Variants in ZNF623 observed in about 807,000 individuals in gnomAD.
The protein encoded by ZNF623 is zinc finger protein 623.
In ZNF623, 16 loss-of-function variants were observed where a neutral mutation model predicts 24.0. That is an observed-to-expected ratio of 0.67 (90% CI 0.45 to 1.01). The LOEUF is 1.01. Ranked by LOEUF, ZNF623 falls within the 50% of genes least tolerant of loss-of-function variation. ZNF623 has a pLI of 0.00. For synonymous variants in ZNF623, 224 were observed against 219.8 expected, an observed-to-expected ratio of 1.02 and a Z score of -0.17; for missense variants, 566 against 606.5, an observed-to-expected ratio of 0.93 and a Z score of 0.70.
In ZNF623 at chr8:143,653,261, AT is replaced by A. The variant is rs1815380834; in HGVS notation, c.*1779del. The A allele has an allele frequency of 6.0e-6, 1 of 167,044 alleles. No individual in the cohort carries two copies. The highest frequency in any genetic ancestry group is 6.5e-5 in the Admixed American group (1 of 15,274). 10.3% of individuals were successfully genotyped at this position (167,044 alleles called of 1,614,324 possible). On this transcript the variant is annotated 3_prime_UTR_variant, in exon 2 of 2. Transcript: ENST00000526926. ...AACCCCAAAGTCCAGTTTTGTAACGATATAATTTTTTTCTCATGAGGCCATA... is the reference window on the plus strand; with the variant it reads ...AACCCCAAAGTCCAGTTTTGTAACGAATAATTTTTTTCTCATGAGGCCATA...
intron 1 of ZNF623, among the ~76,000 whole-genome samples, chr8:143,644,563 C>T (rs1025999342): frequency 3.3e-5 from 5 of 152,050 alleles, no homozygotes; most frequent in African/African-American, 1.2e-4. Context: ...ATTAATGGGT[C>T]CTCAGTGCAT....
Position 143,651,068 on chromosome 8 carries a change from G to T in ZNF623, c.1076G>T (p.Gly359Val), listed in dbSNP as rs764516415. ...YLIRHQKIHT[G>V]ERVYECKECG... is the part of the protein sequence containing the mutation. ...ATTCGACACCAGAAAATCCACACTG[G>T]AGAGAGAGTGTATGAATGTAAGGAA... Residue 359 changes from glycine to valine, a missense_variant, in exon 2 of 2, where the codon GGA becomes GTA. Gly to Val is a moderately radical substitution (Grantham distance 109). Around this residue, in one of 3 missense-constraint regions of ZNF623, gnomAD observed 117 missense variants for 174.2 expected, o/e 0.67. Coordinates refer to ENST00000526926, the MANE Select transcript of ZNF623 (RefSeq NM_001261843.2). The T allele has an allele frequency of 2.5e-6, 4 of 1,614,160 alleles. No homozygotes were observed. In the Admixed American group the frequency reaches 6.7e-5, roughly 27 times the overall value.
At chr8:143,647,147 GTTTT>G (rs200303336) in intron 1 of ZNF623, among the ~76,000 whole-genome samples, 25 of 133,936 alleles carry the variant, frequency 1.9e-4, no homozygotes, top group African/African-American at 5.8e-4. Flanking sequence ...GTGCCTTGCT[GTTTT>G]TTTTTTTTTT....
Position 143,650,742 on chromosome 8 carries a change from G to T in ZNF623, c.750G>T (p.Gln250His), listed in dbSNP as rs541001970. The change falls in exon 2 of 2, where the codon CAG (glutamine) becomes CAT (histidine). Residue 250 changes from glutamine to histidine, a missense_variant. Around this residue, in one of 3 missense-constraint regions of ZNF623, gnomAD observed 117 missense variants for 174.2 expected, o/e 0.67. Coordinates refer to ENST00000526926, the MANE Select transcript of ZNF623 (RefSeq NM_001261843.2). This position sits in a 1 kb window ranked among gnomAD's most constrained non-coding sequence, Gnocchi z 5.2. ...ATCAGATCCACACAGAAGTGAAACA[G>T]TATGAATGCAAAGAATGTGGGAAGG... The part of the protein sequence containing the change: ...RHYQIHTEVK[Q>H]YECKECGKAF... The T allele has an allele frequency of 6.2e-7, 1 of 1,614,008 alleles. No individual in the cohort carries two copies. The highest frequency in any genetic ancestry group is 8.5e-7 in the Non-Finnish European group (1 of 1,180,022).
chr8:143,645,649 G>T (rs574455902), intron 1 of ZNF623, among the ~76,000 whole-genome samples: 1 of 152,244 alleles, frequency 6.6e-6, no homozygotes, highest in East Asian at 1.9e-4. Flanking sequence ...ACCATGTGTG[G>T]AGTGTGCACA....
intron 1 of ZNF623, among the ~76,000 whole-genome samples, chr8:143,649,016 G>A (rs1815231848): frequency 1.3e-5 from 2 of 152,068 alleles, no homozygotes; most frequent in African/African-American, 2.4e-5. Flanking sequence ...GGTGGCTCAC[G>A]TCTGTAATCC....
At chr8:143,647,060 G>T (rs1267411708) in intron 1 of ZNF623, among the ~76,000 whole-genome samples, 1 of 152,124 alleles carries the variant, frequency 6.6e-6, no homozygotes, top group African/African-American at 2.4e-5. Context: ...CTTTGATTGG[G>T]TGACTTATGA....
chr8:143,637,752 A>G (rs1477266218), intron 1 of ZNF623, among the ~76,000 whole-genome samples: 1 of 151,952 alleles, frequency 6.6e-6, no homozygotes. Flanking sequence ...GTTTCACCAT[A>G]TTGGTCAGGC....
rs760722447 is a variant in ZNF623, at chr8:143,651,505, T to C, written c.*22T>C. On this transcript the variant is annotated 3_prime_UTR_variant, in exon 2 of 2. Transcript: ENST00000526926. ...ATAAAATAATTACTTTCCCGCCCAG[T>C]GAGTGATGTTTGGAAATGCGTGGAA... 4 of 1,534,110 alleles carry C rather than the reference T, an allele frequency of 2.6e-6. No homozygotes were observed. In the South Asian group the frequency reaches 5.2e-5, roughly 20 times the overall value.
chr8:143,643,210 G>A (rs1054297957), intron 1 of ZNF623, among the ~76,000 whole-genome samples: 7 of 152,200 alleles, frequency 4.6e-5, no homozygotes, highest in Non-Finnish European at 8.8e-5. Flanking sequence ...GCAGGGAACT[G>A]GATTCTGCCA....
chr8:143,652,221 A>AT lies in ZNF623; in HGVS notation c.*740dup, dbSNP rs904875821. 1 of 167,098 alleles carries AT rather than the reference A, an allele frequency of 6.0e-6. No individual in the cohort carries two copies. The highest frequency in any genetic ancestry group is 2.4e-5 in the African/African-American group (1 of 41,450). The allele number at this position is 167,098 out of a possible 1,614,324, so 10.4% of individuals were successfully genotyped here. A position where few individuals can be genotyped will look rare whatever the true frequency, so the allele number is the denominator to read the frequency against. ...CTCTCCACACTTCTGTGGCTCAGTG[A>AT]TTACTGCTATTACTATATTTACTTG... On this transcript the variant is annotated 3_prime_UTR_variant, in exon 2 of 2. Coordinates refer to ENST00000526926, the MANE Select transcript of ZNF623 (RefSeq NM_001261843.2).
chr8:143,644,280 AGT>A (rs1213805876), intron 1 of ZNF623, among the ~76,000 whole-genome samples: 3 of 152,086 alleles, frequency 2.0e-5, no homozygotes, highest in African/African-American at 7.2e-5. Flanking sequence ...AGCCTCCCAA[AGT>A]GTTGGGATTA....
chr8:143,651,132 G>A lies in ZNF623; in HGVS notation c.1140G>A (p.Glu380=). Residue 380 remains glutamate (E), a synonymous_variant, in exon 2 of 2, where the codon GAG becomes GAA. Transcript: ENST00000526926. ...KAFLQKAHLT[E]HQKIHSGDRP... ...TTCTCCAGAAAGCCCATCTCACTGA[G>A]CACCAGAAGATCCACTCTGGGGACA... 3 of 1,614,074 alleles carry A rather than the reference G, an allele frequency of 1.9e-6. No homozygotes were observed. Among genetic ancestry groups the A allele is most frequent in the Non-Finnish European group, 2.5e-6 (3 of 1,179,980 alleles).
rs182230893 is a variant in ZNF623 at position 143,652,898 on chromosome 8, A to C, written c.*1415A>C. On this transcript the variant is annotated 3_prime_UTR_variant, in exon 2 of 2. Transcript: ENST00000526926. ...TGGGAAAACAGATGAGCAACCCACTACCCTGAAGTCATCCACCGTGTAGTG... is the reference window on the plus strand; with the variant it reads ...TGGGAAAACAGATGAGCAACCCACTCCCCTGAAGTCATCCACCGTGTAGTG... 6.0e-4 allele frequency: 100 copies of C among 167,138 alleles called. 1 individual carries two copies. In the Middle Eastern group the frequency reaches 0.034, roughly 56 times the overall value. The allele number at this position is 167,138 out of a possible 1,614,324, so 10.4% of individuals were successfully genotyped here. A position where few individuals can be genotyped will look rare whatever the true frequency, so the allele number is the denominator to read the frequency against.
At chr8:143,643,632 A>G (rs1049685693) in intron 1 of ZNF623, among the ~76,000 whole-genome samples, 2 of 152,238 alleles carry the variant, frequency 1.3e-5, no homozygotes, top group African/African-American at 4.8e-5. Flanking sequence ...GGGCACCACC[A>G]TGTGCCCCTG....
At chr8:143,646,567 G>GTGTGCA (rs759532267) in intron 1 of ZNF623, among the ~76,000 whole-genome samples, 1 of 151,936 alleles carries the variant, frequency 6.6e-6, no homozygotes, top group African/African-American at 2.4e-5. Context: ...GTGTGTGTGT[G>GTGTGCA]TGCATGCATG....
At chr8:143,643,318 G>A (rs935809898) in intron 1 of ZNF623, among the ~76,000 whole-genome samples, 1 of 152,236 alleles carries the variant, frequency 6.6e-6, no homozygotes, top group African/African-American at 2.4e-5. Flanking sequence ...GACCCTGCGT[G>A]GAGATCCCAG....
intron 1 of ZNF623, among the ~76,000 whole-genome samples, chr8:143,647,771 G>A (rs1485884708): frequency 6.6e-6 from 1 of 152,182 alleles, no homozygotes; most frequent in African/African-American, 2.4e-5. Flanking sequence ...TAATTCTGCT[G>A]GCTGTGTAGA....
At position 143,652,254 on chromosome 8, in the gene ZNF623, C is replaced by T; in HGVS notation, c.*771C>T. On this transcript the variant is annotated 3_prime_UTR_variant, in exon 2 of 2. Coordinates refer to ENST00000526926, the MANE Select transcript of ZNF623 (RefSeq NM_001261843.2). ...TATTACTATATTTACTTGCATATGTCAGAATGATGTGATAGACTATCTCTG... is the reference window on the plus strand; with the variant it reads ...TATTACTATATTTACTTGCATATGTTAGAATGATGTGATAGACTATCTCTG... 1 of 167,228 alleles carries T rather than the reference C, an allele frequency of 6.0e-6. No homozygotes were observed. The allele number at this position is 167,228 out of a possible 1,614,324, so 10.4% of individuals were successfully genotyped here. A position where few individuals can be genotyped will look rare whatever the true frequency, so the allele number is the denominator to read the frequency against.
Sources: gnomAD v4.1 joint callset for allele counts (sites outside exome capture counted in the v4.1 genomes callset) on GRCh38, gnomAD v4.1.1 for gene constraint, gnomAD v4.1.1 regional missense constraint, Gnocchi (gnomAD v3.1) non-coding constraint, MANE v1.5 for transcripts, NCBI Gene and HGNC (gene_info 2026-07-23, HGNC 2026-07-21) for gene names.